Variants in UMODL1 observed in about 807,000 individuals in gnomAD.
UMODL1 encodes uromodulin-like 1.
In UMODL1, 128 loss-of-function variants were observed where a neutral mutation model predicts 136.3. The observed-to-expected ratio is 0.94, with a 90% CI of 0.81 to 1.09. The LOEUF is 1.09. Ranked by LOEUF, UMODL1 falls within the 50% of genes least tolerant of loss-of-function variation. UMODL1 has a pLI of 0.00. For synonymous variants in UMODL1, 721 were observed against 720.0 expected, an observed-to-expected ratio of 1.00 and a Z score of -0.02; for missense variants, 1,766 against 1,725.6, an observed-to-expected ratio of 1.02 and a Z score of -0.41.
At chr21:42,101,911 C>T in intron 7 of UMODL1, 1 of 403,968 alleles carries the variant, frequency 2.5e-6, no homozygotes, top group South Asian at 2.1e-5. Flanking sequence ...GGTTGAATCC[C>T]AGTTCCCGTG....
chr21:42,126,438 T>C lies in UMODL1; in HGVS notation c.3241T>C (p.Cys1081Arg). 6.2e-7 allele frequency: 1 copy of C among 1,614,212 alleles called. No individual in the cohort carries two copies. Among genetic ancestry groups the C allele is most frequent in the Non-Finnish European group, 8.5e-7 (1 of 1,180,030 alleles). The change falls in exon 18 of 23, where the codon TGC becomes CGC. Residue 1081 changes from cysteine (C) to arginine (R), a missense_variant. By Grantham distance (180) the Cys-to-Arg change is radical (BLOSUM62 -3). Transcript: ENST00000408910. ...HHLKILSPIYCAFQNDLLTSS... is the reference protein window; with the variant it reads ...HHLKILSPIYRAFQNDLLTSS... ...CCTGAAGATCCTGAGCCCCATCTACTGCGCCTTCCAGAATGACCTGCTGAC... is the reference window on the plus strand; with the variant it reads ...CCTGAAGATCCTGAGCCCCATCTACCGCGCCTTCCAGAATGACCTGCTGAC...
At chr21:42,102,390 A>C in intron 8 of UMODL1, 112 bp downstream of exon 8, 1 of 793,520 alleles carries the variant, frequency 1.3e-6, no homozygotes, top group South Asian at 1.8e-5. Flanking sequence ...GCAAAAATAC[A>C]TGTTACTGCA....
intron 9 of UMODL1, among the ~76,000 whole-genome samples, chr21:42,108,928 AG>A: frequency 1.9e-5 from 1 of 53,474 alleles, no homozygotes; most frequent in South Asian, 7.8e-4. Context: ...CCCCCACGAG[AG>A]AAGTCCATGT....
rs149971348 is a variant in UMODL1 at position 42,121,131 on chromosome 21, A to G, written c.2734A>G (p.Thr912Ala). Residue 912 changes from threonine (T) to alanine (A), a missense_variant, in exon 16 of 23, where the codon ACA becomes GCA. Physicochemically the swap from Thr to Ala is moderately conservative, Grantham distance 58. Coordinates refer to ENST00000408910, the MANE Select transcript of UMODL1 (RefSeq NM_001004416.3). ...GAAGGAGGACGACTGTGTGCCGGGG[A>G]CATCCTGTCGAAACACCCTCGGGTC... ...ERKEDDCVPGTSCRNTLGSFT... is the reference protein window; with the variant it reads ...ERKEDDCVPGASCRNTLGSFT... 20 of 1,614,098 alleles carry G rather than the reference A, an allele frequency of 1.2e-5. No individual in the cohort carries two copies. The Middle Eastern group carries it at 8.3e-4, about 67-fold the overall frequency.
intron 2 of UMODL1, 63 bp downstream of exon 2, chr21:42,076,310 A>C: frequency 6.2e-7 from 1 of 1,600,062 alleles, no homozygotes; most frequent in Non-Finnish European, 8.5e-7. Context: ...CTGATGGGAC[A>C]GTCACCGTTG....
At chr21:42,082,370 G>A (rs576234022) in intron 2 of UMODL1, among the ~76,000 whole-genome samples, 2 of 152,330 alleles carry the variant, frequency 1.3e-5, no homozygotes, top group African/African-American at 4.8e-5. Context: ...CCTCGCGGGG[G>A]TGAGTCCAGG....
chr21:42,128,779 C>T (rs1415114361), intron 20 of UMODL1, among the ~76,000 whole-genome samples: 6 of 152,206 alleles, frequency 3.9e-5, no homozygotes, highest in Non-Finnish European at 7.3e-5. Flanking sequence ...AAGTTCTCTA[C>T]AAGAGAATTC....
chr21:42,074,373 A>G (rs1430856785), intron 1 of UMODL1, among the ~76,000 whole-genome samples: 6 of 152,190 alleles, frequency 3.9e-5, no homozygotes, highest in African/African-American at 1.4e-4. Flanking sequence ...CCTCTGTAAG[A>G]CATTACTGCA....
chr21:42,136,419 C>T lies in UMODL1; in HGVS notation c.3776-1020C>T, dbSNP rs192966752. Among the ~76,000 whole-genome samples the T allele has an allele frequency of 1.7e-3, 258 of 152,342 alleles. 5 individuals are homozygous for T. Among genetic ancestry groups the T allele is most frequent in the South Asian group, 7.0e-3 (34 of 4,824 alleles). Reference sequence around the variant, plus strand: ...CACTCGTTTGCTTTCTGTTCAGTTCCGGGTAGTTCCTATGAACAGGGTCAT... The same window carrying T: ...CACTCGTTTGCTTTCTGTTCAGTTCTGGGTAGTTCCTATGAACAGGGTCAT... On this transcript the variant is annotated intron_variant, in intron 21 of 22. Coordinates refer to ENST00000408910, the MANE Select transcript of UMODL1 (RefSeq NM_001004416.3).
At chr21:42,139,655 A>C (rs2067252446) in intron 22 of UMODL1, among the ~76,000 whole-genome samples, 1 of 152,162 alleles carries the variant, frequency 6.6e-6, no homozygotes, top group Admixed American at 6.5e-5. Flanking sequence ...ATGACCCAGC[A>C]CCGACCCACC....
At chr21:42,128,113 C>T (rs1342434471) in intron 20 of UMODL1, 4 of 556,020 alleles carry the variant, frequency 7.2e-6, no homozygotes, top group East Asian at 8.8e-5. Context: ...GTCGCGTCAG[C>T]ACTGCCTTGC....
chr21:42,128,471 C>T (rs751449705), intron 20 of UMODL1, among the ~76,000 whole-genome samples: 12 of 150,072 alleles, frequency 8.0e-5, no homozygotes, highest in East Asian at 4.1e-4. Context: ...TCTCTCTCCT[C>T]GGAGGTAGTG....
At position 42,127,748 on chromosome 21, in the gene UMODL1, TTTTCC is replaced by T. The variant is rs1214675910; in HGVS notation, c.3611_3615del (p.Ser1204TyrfsTer29). ...TAAGGCCCAGTTCAAGCTGAGGATC[TTTTCC>T]TTTATCAACGACTCCATCGTCTACC... On this transcript the variant is annotated frameshift_variant, in exon 20 of 23. Transcript: ENST00000408910. LOFTEE classifies it high-confidence loss of function. The T allele has an allele frequency of 2.5e-6, 4 of 1,613,936 alleles. No homozygotes were observed. The highest frequency in any genetic ancestry group is 3.4e-6 in the Non-Finnish European group (4 of 1,179,934).
At chr21:42,088,745 C>T (rs987055873) in intron 5 of UMODL1, among the ~76,000 whole-genome samples, 9 of 152,020 alleles carry the variant, frequency 5.9e-5, no homozygotes, top group Admixed American at 3.9e-4. Context: ...CTCTTCCCTC[C>T]ATCTCTCCTC....
chr21:42,078,234 A>G (rs1299682094), intron 2 of UMODL1, among the ~76,000 whole-genome samples: 1 of 82,622 alleles, frequency 1.2e-5, no homozygotes, highest in Non-Finnish European at 2.5e-5. Flanking sequence ...TCCATCACCA[A>G]TAGAAACCAG....
chr21:42,114,257 A>G (rs1157719438), intron 13 of UMODL1, among the ~76,000 whole-genome samples: 1 of 152,250 alleles, frequency 6.6e-6, no homozygotes, highest in Non-Finnish European at 1.5e-5. Flanking sequence ...ATCTGTGAGC[A>G]GCCTGCCAGA....
intron 17 of UMODL1, 100 bp from the exon 18 acceptor site, chr21:42,126,245 A>G: frequency 6.6e-7 from 1 of 1,523,738 alleles, no homozygotes; most frequent in Non-Finnish European, 8.8e-7. Context: ...GGCTTTAGAG[A>G]AGAACCCCCA....
At chr21:42,134,000 A>G (rs1002578307) in intron 21 of UMODL1, among the ~76,000 whole-genome samples, 2 of 152,098 alleles carry the variant, frequency 1.3e-5, no homozygotes, top group Non-Finnish European at 2.9e-5. Context: ...TCACTGCAAC[A>G]TCTGCCTCCT....
At chr21:42,074,948 G>C (rs1240388011) in intron 1 of UMODL1, among the ~76,000 whole-genome samples, 6 of 149,878 alleles carry the variant, frequency 4.0e-5, no homozygotes, top group African/African-American at 1.2e-4. Flanking sequence ...GTCACCCAGG[G>C]TGGAGTGCAG....
Sources: allele counts gnomAD v4.1 joint callset (sites outside exome capture counted in the v4.1 genomes callset), GRCh38; gene constraint gnomAD v4.1.1; transcripts MANE v1.5; gene names NCBI Gene and HGNC (gene_info 2026-07-23, HGNC 2026-07-21).